GABRB1: variants seen among roughly 807,000 people sequenced by gnomAD.
The protein encoded by GABRB1 is gamma-aminobutyric acid receptor subunit beta-1.
GABRB1 carries 17 observed loss-of-function variants against 51.6 expected under a neutral mutation model. The observed-to-expected ratio is 0.33, with a 90% CI of 0.23 to 0.49. The LOEUF is 0.49. Among genes scored for constraint, GABRB1 ranks in the 20% least tolerant of loss-of-function variants. The probability of loss-of-function intolerance (pLI) is 0.99; values close to 1 mark genes in which losing one functional copy is unlikely to be tolerated. For missense variants in GABRB1, 410 were observed against 600.6 expected (o/e 0.68, Z 3.32); for synonymous variants, 247 against 218.9 (o/e 1.13, Z -1.14).
intron 4 of GABRB1, among the ~76,000 whole-genome samples, chr4:47,268,832 C>A (rs969466544): frequency 2.0e-5 from 3 of 152,022 alleles, no homozygotes; most frequent in African/African-American, 7.2e-5. Flanking sequence ...ATGTGATTGA[C>A]TAAAGGGAGG....
At chr4:47,402,568 G>A (rs1408689254) in intron 5 of GABRB1, among the ~76,000 whole-genome samples, 4 of 152,196 alleles carry the variant, frequency 2.6e-5, no homozygotes, top group African/African-American at 9.7e-5. Context: ...TGGGAGTAGA[G>A]TGAGAAGAGG....
chr4:47,393,116 T>A (rs956267882), intron 5 of GABRB1, among the ~76,000 whole-genome samples: 1 of 152,188 alleles, frequency 6.6e-6, no homozygotes. Flanking sequence ...GAATTCTGGT[T>A]TTAGCTTTCT....
chr4:47,295,608 A>T (rs1044479133), intron 4 of GABRB1, among the ~76,000 whole-genome samples: 3 of 152,184 alleles, frequency 2.0e-5, no homozygotes, highest in Non-Finnish European at 4.4e-5. Context: ...TGGGACTATG[A>T]GAAAAGACCA....
intron 8 of GABRB1, 135 bp from the exon 9 acceptor site, chr4:47,425,539 T>C (rs115428211): frequency 1.5e-6 from 1 of 654,486 alleles, no homozygotes; most frequent in African/African-American, 1.8e-5. Flanking sequence ...TATCTCCACA[T>C]CAGGGAGGCA....
chr4:47,378,386 T>C (rs865816300), intron 5 of GABRB1, among the ~76,000 whole-genome samples: 1 of 152,138 alleles, frequency 6.6e-6, no homozygotes, highest in Non-Finnish European at 1.5e-5. Context: ...CCGGAACTCG[T>C]GCTGGCCCGC....
At chr4:47,045,405 G>T (rs2109496330) in intron 3 of GABRB1, among the ~76,000 whole-genome samples, 1 of 151,950 alleles carries the variant, frequency 6.6e-6, no homozygotes, top group South Asian at 2.1e-4. Context: ...GGTACTTGGG[G>T]AAAAAACTGG....
At chr4:47,097,199 A>G (rs1714484986) in intron 3 of GABRB1, among the ~76,000 whole-genome samples, 1 of 152,182 alleles carries the variant, frequency 6.6e-6, no homozygotes, top group South Asian at 2.1e-4. Context: ...TCCAAGGTCC[A>G]ACATGGCCTA....
At chr4:47,354,976 C>CTTTTTTTT (rs1553877819) in intron 5 of GABRB1, among the ~76,000 whole-genome samples, 16 of 82,466 alleles carry the variant, frequency 1.9e-4, no homozygotes, top group African/African-American at 8.0e-4. Flanking sequence ...TTCTTTCTTC[C>CTTTTTTTT]TTTGTTTTTT....
chr4:47,084,053 T>A (rs1186109888), intron 3 of GABRB1, among the ~76,000 whole-genome samples: 1 of 152,166 alleles, frequency 6.6e-6, no homozygotes, highest in Non-Finnish European at 1.5e-5. Flanking sequence ...AAATTAAAAC[T>A]GATCATATTT....
Position 47,152,777 on chromosome 4 carries a change from C to T in GABRB1, c.241-8472C>T, listed in dbSNP as rs1346642950. On this transcript the variant is annotated intron_variant, in intron 3 of 8. Transcript: ENST00000295454. ...CTACTCAGGTCAGAAACCTGGTGGCCATCCTTTGGTGCCTCCTTCTCCCTA... is the reference window on the plus strand; with the variant it reads ...CTACTCAGGTCAGAAACCTGGTGGCTATCCTTTGGTGCCTCCTTCTCCCTA... Among the ~76,000 whole-genome samples the T allele has an allele frequency of 3.3e-5, 5 of 152,098 alleles. 1 individual carries two copies. Among genetic ancestry groups the T allele is most frequent in the Admixed American group, 2.6e-4 (4 of 15,226 alleles).
chr4:47,141,706 A>G (rs1716945307), intron 3 of GABRB1, among the ~76,000 whole-genome samples: 1 of 151,948 alleles, frequency 6.6e-6, no homozygotes, highest in Admixed American at 6.6e-5. Flanking sequence ...AGCTAGCACG[A>G]GAGTGCTTAG....
In GABRB1 at chr4:47,127,675, A is replaced by G. The variant is rs191315110; in HGVS notation, c.241-33574A>G. Among the ~76,000 whole-genome samples the G allele has an allele frequency of 2.3e-4, 35 of 151,494 alleles. No individual in the cohort carries two copies. The East Asian group carries it at 5.8e-3, about 25-fold the overall frequency. On this transcript the variant is annotated intron_variant, in intron 3 of 8. Transcript: ENST00000295454. ...ATGTGAACTACCTTACCTAGACTAA[A>G]CTCTTTTGTTTCCCTTTCAACATCA...
chr4:47,060,273 A>G (rs1726790385), intron 3 of GABRB1, among the ~76,000 whole-genome samples: 1 of 152,192 alleles, frequency 6.6e-6, no homozygotes, highest in Non-Finnish European at 1.5e-5. Context: ...GGGAACTGGA[A>G]TGACAGTCCT....
At chr4:47,304,926 A>G (rs1458858860) in intron 4 of GABRB1, among the ~76,000 whole-genome samples, 1 of 152,224 alleles carries the variant, frequency 6.6e-6, no homozygotes, top group East Asian at 1.9e-4. Context: ...TTCTCATAGA[A>G]AAGTCCAGCC....
intron 3 of GABRB1, among the ~76,000 whole-genome samples, chr4:47,064,659 A>G (rs1405757940): frequency 4.0e-5 from 6 of 151,668 alleles, no homozygotes; most frequent in Middle Eastern, 3.4e-3. Context: ...AAAAAAAAAA[A>G]AAAAGAGAAA....
At chr4:47,266,902 A>G (rs1254019905) in intron 4 of GABRB1, among the ~76,000 whole-genome samples, 1 of 151,288 alleles carries the variant, frequency 6.6e-6, no homozygotes, top group Admixed American at 6.6e-5. Flanking sequence ...CTCTTACTGT[A>G]TTGCTGTATA....
chr4:47,409,028 G>A (rs989662356), intron 8 of GABRB1, among the ~76,000 whole-genome samples: 1 of 152,144 alleles, frequency 6.6e-6, no homozygotes, highest in African/African-American at 2.4e-5. Context: ...ATTGAAACAG[G>A]AGAGTTCCCT....
chr4:47,164,111 T>C (rs575975449), intron 4 of GABRB1, among the ~76,000 whole-genome samples: 3 of 152,046 alleles, frequency 2.0e-5, no homozygotes, highest in South Asian at 4.1e-4. Context: ...CACAAGAACA[T>C]CATGGGGAAA....
At chr4:47,416,649 G>T (rs899014308) in intron 8 of GABRB1, among the ~76,000 whole-genome samples, 1 of 151,836 alleles carries the variant, frequency 6.6e-6, no homozygotes, top group African/African-American at 2.4e-5. Context: ...ATGGGGTTTC[G>T]CCATGTTGGC....
Sources: gnomAD v4.1 joint callset for allele counts (sites outside exome capture counted in the v4.1 genomes callset) on GRCh38, gnomAD v4.1.1 for gene constraint, MANE v1.5 for transcripts, NCBI Gene and HGNC (gene_info 2026-07-23, HGNC 2026-07-21) for gene names.